ANXA4: variants seen among roughly 807,000 people sequenced by gnomAD.
The protein encoded by ANXA4 is 35-beta calcimedin.
A neutral mutation model predicts 49.8 loss-of-function variants in ANXA4; 39 were observed. The ratio of observed to expected loss-of-function variants is 0.78; its 90% confidence interval spans 0.61 to 1.02. ANXA4 has a LOEUF of 1.02. Ranked by LOEUF, ANXA4 falls within the 50% of genes least tolerant of loss-of-function variation. ANXA4 has a pLI of 0.00. For synonymous variants in ANXA4, 134 were observed against 152.5 expected, an observed-to-expected ratio of 0.88 and a Z score of 0.89; for missense variants, 360 against 410.1, an observed-to-expected ratio of 0.88 and a Z score of 1.05.
At chr2:69,736,373 T>C (rs1670243767) in intron 3 of ANXA4, among the ~76,000 whole-genome samples, 1 of 152,196 alleles carries the variant, frequency 6.6e-6, no homozygotes, top group Non-Finnish European at 1.5e-5. Context: ...TGACACCTAC[T>C]CTATGAGAGT....
At chr2:69,684,971 A>G (rs561571241) in intron 2 of ANXA4, among the ~76,000 whole-genome samples, 46 of 152,282 alleles carry the variant, frequency 3.0e-4, no homozygotes, top group African/African-American at 1.1e-3. Context: ...TTGAAGAATG[A>G]TGTCTTTGGG....
chr2:69,690,440 T>C (rs1401641547), intron 2 of ANXA4, among the ~76,000 whole-genome samples: 3 of 152,136 alleles, frequency 2.0e-5, no homozygotes, highest in African/African-American at 7.2e-5. Context: ...TGTTTCACCA[T>C]GTTGACCAGA....
chr2:69,744,668 T>A (rs1301981394), intron 1 of ANXA4, among the ~76,000 whole-genome samples: 2 of 152,194 alleles, frequency 1.3e-5, no homozygotes, highest in Non-Finnish European at 2.9e-5. Flanking sequence ...GCAATGGGGT[T>A]ATTAACGTTG....
At chr2:69,688,875 T>C (rs1677875263) in intron 2 of ANXA4, among the ~76,000 whole-genome samples, 1 of 152,216 alleles carries the variant, frequency 6.6e-6, no homozygotes, top group Admixed American at 6.5e-5. Flanking sequence ...AGATCAGGAA[T>C]TGGCCATTTC....
intron 3 of ANXA4, among the ~76,000 whole-genome samples, chr2:69,730,326 AC>A: frequency 6.6e-6 from 1 of 152,262 alleles, no homozygotes; most frequent in East Asian, 1.9e-4. Flanking sequence ...ACATGAGGAA[AC>A]CCCATCTCTA....
chr2:69,647,993 T>C (rs1046910699), intron 1 of ANXA4, among the ~76,000 whole-genome samples: 4 of 152,212 alleles, frequency 2.6e-5, no homozygotes, highest in African/African-American at 7.2e-5. Context: ...CAGATGAACA[T>C]GTATGGTTTG....
chr2:69,706,370 A>G (rs11891903), intron 2 of ANXA4, among the ~76,000 whole-genome samples: 41,351 of 136,506 alleles, frequency 0.3, 7,936 homozygotes, highest in African/African-American at 0.54. Context: ...GTTCGATCTC[A>G]GCTCACTGCA....
Position 69,806,509 on chromosome 2 carries a change from T to C in ANXA4, c.306+11T>C, listed in dbSNP as rs750272697. 9.3e-6 allele frequency: 15 copies of C among 1,605,392 alleles called. No individual in the cohort carries two copies. The highest frequency in any genetic ancestry group is 2.2e-5 in the South Asian group (2 of 90,918). ...CGAAGGGCCATGAAGGTCTGTGCTC[T>C]TCCTCTCGTGCTCTTGGTGCTGTTG... is the stretch of plus-strand genomic sequence containing the variant. On this transcript the variant is annotated intron_variant, in intron 5 of 12. Coordinates refer to ENST00000394295, the MANE Select transcript of ANXA4 (RefSeq NM_001153.5).
chr2:69,814,743 G>GGT (rs754855168), intron 8 of ANXA4: 4,137 of 123,602 alleles, frequency 0.033, 93 homozygotes, highest in South Asian at 0.058. Flanking sequence ...GACACAGAGG[G>GGT]GTGTGTGTGT....
chr2:69,661,645 C>T (rs117591015), intron 2 of ANXA4, among the ~76,000 whole-genome samples: 10,856 of 152,060 alleles, frequency 0.071, 1,130 homozygotes, highest in East Asian at 0.37. Context: ...CTGGAAAGCA[C>T]GTGGACAGGT....
At chr2:69,683,072 A>G (rs1003623698) in intron 2 of ANXA4, among the ~76,000 whole-genome samples, 2 of 152,232 alleles carry the variant, frequency 1.3e-5, no homozygotes, top group South Asian at 4.1e-4. Flanking sequence ...TTAAGTGTTT[A>G]TACACACAGA....
intron 2 of ANXA4, among the ~76,000 whole-genome samples, chr2:69,705,287 T>A (rs28458272): frequency 1.3e-5 from 2 of 151,884 alleles, no homozygotes; most frequent in Non-Finnish European, 1.5e-5. Context: ...CAGAGTGAGA[T>A]GCTGTCTCAA....
intron 3 of ANXA4, among the ~76,000 whole-genome samples, chr2:69,722,530 T>G (rs963458042): frequency 1.1e-4 from 17 of 151,842 alleles, no homozygotes; most frequent in Admixed American, 4.6e-4. Context: ...AGGACAAATA[T>G]TATATGATTC....
chr2:69,786,267 C>CTGTT (rs765041388), intron 2 of ANXA4, among the ~76,000 whole-genome samples: 23 of 152,200 alleles, frequency 1.5e-4, no homozygotes, highest in Non-Finnish European at 3.2e-4. Context: ...CCACGTCAGT[C>CTGTT]CATCAGCAAG....
upstream of ANXA4, among the ~76,000 whole-genome samples, chr2:69,740,140 C>T (rs1199039729): frequency 2.0e-5 from 3 of 152,108 alleles, no homozygotes; most frequent in Non-Finnish European, 4.4e-5. Flanking sequence ...GTTATTTACG[C>T]GGGGTGCCAA....
intron 3 of ANXA4, among the ~76,000 whole-genome samples, chr2:69,790,379 T>C (rs1672633943): frequency 6.6e-6 from 1 of 152,068 alleles, no homozygotes; most frequent in East Asian, 1.9e-4. Flanking sequence ...GGGTCCCTCG[T>C]AGGAGGGCAG....
chr2:69,717,057 T>C (rs1343997340), intron 2 of ANXA4, among the ~76,000 whole-genome samples: 1 of 152,090 alleles, frequency 6.6e-6, no homozygotes, highest in Non-Finnish European at 1.5e-5. Flanking sequence ...GGGGAGACCG[T>C]AAAGCAGCAT....
At chr2:69,748,435 T>C (rs1670707385) in intron 1 of ANXA4, among the ~76,000 whole-genome samples, 1 of 151,094 alleles carries the variant, frequency 6.6e-6, no homozygotes, top group South Asian at 2.1e-4. Context: ...AAAATACATA[T>C]ATTATGGGGG....
At chr2:69,738,364 G>A (rs1001007370), upstream of ANXA4, among the ~76,000 whole-genome samples, 27 of 152,162 alleles carry the variant, frequency 1.8e-4, no homozygotes, top group African/African-American at 6.0e-4. Context: ...TTGGCTGCCA[G>A]AGTTCTAGGA....
Sources: allele counts gnomAD v4.1 joint callset (sites outside exome capture counted in the v4.1 genomes callset), GRCh38; gene constraint gnomAD v4.1.1; transcripts MANE v1.5; gene names NCBI Gene and HGNC (gene_info 2026-07-23, HGNC 2026-07-21).